Variants in CCSER1 observed in about 807,000 individuals in gnomAD.
CCSER1 encodes serine-rich coiled-coil domain-containing protein 1.
In CCSER1, 41 loss-of-function variants were observed where a neutral mutation model predicts 82.0. The observed-to-expected ratio is 0.50, with a 90% CI of 0.39 to 0.65. The LOEUF is 0.65. Among genes scored for constraint, CCSER1 ranks in the 30% least tolerant of loss-of-function variants. CCSER1 has a pLI of 0.00. For missense variants in CCSER1, 1,119 were observed against 1,064.2 expected, an observed-to-expected ratio of 1.05 and a Z score of -0.72; for synonymous variants, 414 against 383.9, an observed-to-expected ratio of 1.08 and a Z score of -0.92.
intron 5 of CCSER1, among the ~76,000 whole-genome samples, chr4:90,524,066 CAT>C (rs1212160022): frequency 1.3e-5 from 2 of 151,854 alleles, no homozygotes; most frequent in Non-Finnish European, 2.9e-5. Context: ...TGAAAAAAAA[CAT>C]ATATTTATGA....
intron 3 of CCSER1, among the ~76,000 whole-genome samples, chr4:90,329,098 T>C (rs1738789199): frequency 6.6e-6 from 1 of 152,180 alleles, no homozygotes; most frequent in African/African-American, 2.4e-5. Context: ...TAAAAGTGCA[T>C]TGTTTAAAAA....
intron 8 of CCSER1, among the ~76,000 whole-genome samples, chr4:90,863,071 T>C: frequency 6.6e-6 from 1 of 151,456 alleles, no homozygotes; most frequent in East Asian, 2.0e-4. Flanking sequence ...GTATATCTCC[T>C]AATGCTATCC....
intron 5 of CCSER1, among the ~76,000 whole-genome samples, chr4:90,490,604 T>C (rs1415166546): frequency 1.3e-5 from 2 of 152,212 alleles, no homozygotes; most frequent in East Asian, 3.9e-4. Flanking sequence ...CCCATGCCTA[T>C]GTCCTGAATG....
intron 9 of CCSER1, among the ~76,000 whole-genome samples, chr4:91,050,377 G>C (rs1742893849): frequency 6.6e-6 from 1 of 150,476 alleles, no homozygotes; most frequent in African/African-American, 2.4e-5. Flanking sequence ...GTTGCAGTGA[G>C]CAGAGATTGC....
At chr4:90,399,743 A>G (rs536806862) in intron 3 of CCSER1, among the ~76,000 whole-genome samples, 39 of 152,160 alleles carry the variant, frequency 2.6e-4, no homozygotes, top group Admixed American at 2.2e-3. Context: ...AATATCTTTC[A>G]TATCTGCCCA....
chr4:90,800,000 G>A (rs1260000756), intron 7 of CCSER1, among the ~76,000 whole-genome samples: 1 of 152,144 alleles, frequency 6.6e-6, no homozygotes, highest in East Asian at 1.9e-4. Context: ...AGAGTTCCGA[G>A]CTTTCTCCTG....
intron 5 of CCSER1, among the ~76,000 whole-genome samples, chr4:90,475,368 G>A (rs1330562650): frequency 6.6e-6 from 1 of 152,166 alleles, no homozygotes; most frequent in Non-Finnish European, 1.5e-5. Flanking sequence ...TCAATTCAAG[G>A]GTGGAAGCAG....
intron 10 of CCSER1, among the ~76,000 whole-genome samples, chr4:91,117,666 TTA>T (rs374666578): frequency 3.3e-5 from 5 of 152,276 alleles, no homozygotes; most frequent in African/African-American, 7.2e-5. Flanking sequence ...AGGTGTGACT[TTA>T]TGTTGTCCCA....
At chr4:91,144,610 C>T (rs1023306165) in intron 10 of CCSER1, among the ~76,000 whole-genome samples, 1 of 149,798 alleles carries the variant, frequency 6.7e-6, no homozygotes, top group African/African-American at 2.5e-5. Flanking sequence ...TATAACCTGT[C>T]CTCTTAAAGC....
At chr4:91,170,525 A>T (rs1242074016) in intron 10 of CCSER1, among the ~76,000 whole-genome samples, 2 of 152,154 alleles carry the variant, frequency 1.3e-5, no homozygotes, top group Admixed American at 1.3e-4. Context: ...CTGGGTGTGA[A>T]ATTTTCTTGA....
At chr4:90,316,859 C>T (rs146605300) in intron 3 of CCSER1, among the ~76,000 whole-genome samples, 32 of 152,020 alleles carry the variant, frequency 2.1e-4, no homozygotes, top group African/African-American at 6.5e-4. Context: ...CATCAAATGC[C>T]GAGAACAAAT....
intron 10 of CCSER1, among the ~76,000 whole-genome samples, chr4:91,316,785 G>A (rs1745863482): frequency 6.6e-6 from 1 of 151,914 alleles, no homozygotes; most frequent in Non-Finnish European, 1.5e-5. Flanking sequence ...TCTGCTCAAA[G>A]CATTTCAAAG....
chr4:90,626,827 G>GCCTA, intron 5 of CCSER1, among the ~76,000 whole-genome samples: 1 of 152,146 alleles, frequency 6.6e-6, no homozygotes, highest in African/African-American at 2.4e-5. Flanking sequence ...ATGACTGCCT[G>GCCTA]AGGTTCAATA....
rs1473918075 is a variant in CCSER1, at chr4:90,701,501, G to GT, written c.1933-22407dup. On this transcript the variant is annotated intron_variant, in intron 6 of 10. Coordinates refer to ENST00000509176, the MANE Select transcript of CCSER1 (RefSeq NM_001145065.2). ...TTGGTTCCGTATGAACTTTAAATTA[G>GT]TTTTTTCCAATTCTGTGAGGAAAGT... 2.6e-5 allele frequency among the ~76,000 whole-genome samples: 4 copies of GT among 152,256 alleles called. No homozygotes were observed. In the East Asian group the frequency reaches 7.7e-4, roughly 29 times the overall value.
At chr4:90,560,033 CTT>C (rs1194451299) in intron 5 of CCSER1, among the ~76,000 whole-genome samples, 1 of 151,986 alleles carries the variant, frequency 6.6e-6, no homozygotes, top group Non-Finnish European at 1.5e-5. Flanking sequence ...GCAGCACTCT[CTT>C]TCACAGTTAC....
intron 4 of CCSER1, among the ~76,000 whole-genome samples, chr4:90,455,083 C>A (rs1212734923): frequency 6.6e-6 from 1 of 152,162 alleles, no homozygotes; most frequent in Non-Finnish European, 1.5e-5. Context: ...AAATTGCCAC[C>A]AGGAGGGCAG....
chr4:91,548,536 T>C (rs903211749), intron 10 of CCSER1, among the ~76,000 whole-genome samples: 2 of 151,190 alleles, frequency 1.3e-5, no homozygotes, highest in African/African-American at 4.9e-5. Flanking sequence ...TTTTGCTAGG[T>C]AAGTCTAATG....
chr4:90,611,190 C>T (rs915114321), intron 5 of CCSER1, among the ~76,000 whole-genome samples: 10 of 150,770 alleles, frequency 6.6e-5, no homozygotes, highest in South Asian at 4.2e-4. Context: ...TGAGCCACCG[C>T]GCCCAGCCCA....
intron 9 of CCSER1, among the ~76,000 whole-genome samples, chr4:91,052,805 A>C (rs942027991): frequency 6.6e-5 from 10 of 152,188 alleles, no homozygotes; most frequent in African/African-American, 2.4e-4. Flanking sequence ...AACAGTATTT[A>C]AAAACATTAT....
Sources: allele counts gnomAD v4.1 joint callset (sites outside exome capture counted in the v4.1 genomes callset), GRCh38; gene constraint gnomAD v4.1.1; transcripts MANE v1.5; gene names NCBI Gene and HGNC (gene_info 2026-07-23, HGNC 2026-07-21).